The following NHS variants were observed in gnomAD, a reference collection of about 807,000 sequenced individuals.
NHS encodes the protein NHS actin remodeling regulator.
NHS carries 5 observed loss-of-function variants against 72.5 expected under a neutral mutation model. The ratio of observed to expected loss-of-function variants is 0.07; its 90% CI spans 0.04 to 0.14. The LOEUF is 0.14. Ranked by LOEUF, NHS falls within the 10% of genes least tolerant of loss-of-function variation. The pLI is 1.00. For synonymous variants in NHS, 464 were observed against 547.7 expected (o/e 0.85, Z 2.13); for missense variants, 1,072 against 1,355.7 (o/e 0.79, Z 3.29).
intron 2 of NHS, 84 bp from the exon 3 acceptor site, chrX:17,692,247 TACAG>T (rs2066200552): frequency 8.6e-6 from 9 of 1,052,471 alleles, no homozygotes; most frequent in Middle Eastern, 2.7e-4. Context: ...TTTTTTTTTT[TACAG>T]CCTTTTGCTA....
At chrX:17,514,212 A>T (rs2065106601) in intron 1 of NHS, among the ~76,000 whole-genome samples, 1 of 112,546 alleles carries the variant, frequency 8.9e-6, no homozygotes, top group African/African-American at 3.2e-5. Context: ...CCAAATCAGC[A>T]TGTCTGTGAG....
At chrX:17,677,978 T>TTTGTTG (rs748502100) in intron 1 of NHS, among the ~76,000 whole-genome samples, 1,530 of 109,819 alleles carry the variant, frequency 0.014, 31 homozygotes, top group African/African-American at 0.047. Flanking sequence ...TTTTTGAGGT[T>TTTGTTG]TTGTTGTTGT....
At chrX:17,413,818 T>C (rs780810432) in intron 1 of NHS, among the ~76,000 whole-genome samples, 4 of 111,885 alleles carry the variant, frequency 3.6e-5, no homozygotes, top group Non-Finnish European at 7.5e-5. Context: ...CTTACTCTTC[T>C]ACTTTGGATA....
At chrX:17,434,441 ATTTTTTT>A (rs1166011488) in intron 1 of NHS, among the ~76,000 whole-genome samples, 4 of 91,900 alleles carry the variant, frequency 4.4e-5, no homozygotes, top group Non-Finnish European at 6.3e-5. Context: ...CATTCAAACA[ATTTTTTT>A]TTTTTTTTTT....
chrX:17,692,433 A>G lies in NHS; in HGVS notation c.817A>G (p.Arg273Gly). ...AGCCTACCCTCCAGCTCACAGCCAGAGGAGGCGTGAGTTTAAGGACCGTCA... is the reference window on the plus strand; with the variant it reads ...AGCCTACCCTCCAGCTCACAGCCAGGGGAGGCGTGAGTTTAAGGACCGTCA... ...LPAYPPAHSQ[R>G]RREFKDRHFL... Residue 273 changes from arginine to glycine, a missense_variant, in exon 3 of 9, where the codon AGG becomes GGG. Arg to Gly is a moderately radical substitution (Grantham distance 125). Transcript: ENST00000676302. 1 of 1,210,012 alleles carries G rather than the reference A, an allele frequency of 8.3e-7. No individual in the cohort carries two copies. The highest frequency in any genetic ancestry group is 1.8e-5 in the South Asian group (1 of 56,811).
chrX:17,663,871 T>G (rs1007344202), intron 1 of NHS, among the ~76,000 whole-genome samples: 1 of 111,891 alleles, frequency 8.9e-6, no homozygotes, highest in Non-Finnish European at 1.9e-5. Context: ...TCATCAATAC[T>G]TGGTATGTCA....
At chrX:17,423,897 A>G (rs1168684750) in intron 1 of NHS, among the ~76,000 whole-genome samples, 1 of 112,307 alleles carries the variant, frequency 8.9e-6, no homozygotes, top group Non-Finnish European at 1.9e-5. Context: ...TATTTCACAG[A>G]CCAAAGTGCT....
At chrX:17,681,396 A>G (rs748571990) in intron 1 of NHS, among the ~76,000 whole-genome samples, 2 of 111,625 alleles carry the variant, frequency 1.8e-5, no homozygotes, top group South Asian at 7.7e-4. Context: ...CTTTCATAGA[A>G]GACTTGCTCT....
chrX:17,425,568 A>AAAAAAAAAAG (rs2064651928), intron 1 of NHS, among the ~76,000 whole-genome samples: 7 of 77,042 alleles, frequency 9.1e-5, no homozygotes, highest in African/African-American at 3.8e-4. Context: ...AAAAAAAAAA[A>AAAAAAAAAAG]AAAGAAAGAA....
intron 1 of NHS, among the ~76,000 whole-genome samples, chrX:17,556,162 C>A (rs73636657): frequency 2.7e-5 from 3 of 112,345 alleles, no homozygotes; most frequent in Non-Finnish European, 5.6e-5. Flanking sequence ...TTTTGAAATA[C>A]TTCCTAGGTT....
At chrX:17,512,246 T>C (rs1172754775) in intron 1 of NHS, among the ~76,000 whole-genome samples, 1 of 111,551 alleles carries the variant, frequency 9.0e-6, no homozygotes, top group Non-Finnish European at 1.9e-5. Flanking sequence ...ATAAATGAGA[T>C]TAGGGGGCAC....
chrX:17,727,027 T>C lies in NHS; in HGVS notation c.2921T>C (p.Val974Ala), dbSNP rs747843383. The stretch of plus-strand genomic sequence containing the variant: ...TCAAGCACCGCTACGGGTACCACAG[T>C]CATTGAATGCATCAAATCTCCAGAG... ...SNSSTATGTT[V>A]IECIKSPESS... The change falls in exon 7 of 9, where the codon GTC becomes GCC. Residue 974 changes from valine to alanine, a missense_variant. By Grantham distance (64) the Val-to-Ala change is moderately conservative. Transcript: ENST00000676302. 4 of 1,210,179 alleles carry C rather than the reference T, an allele frequency of 3.3e-6. No homozygotes were observed. Among genetic ancestry groups the C allele is most frequent in the Non-Finnish European group, 4.5e-6 (4 of 895,280 alleles).
At chrX:17,425,391 A>G (rs1341092808) in intron 1 of NHS, among the ~76,000 whole-genome samples, 1 of 109,672 alleles carries the variant, frequency 9.1e-6, no homozygotes, top group Non-Finnish European at 1.9e-5. Context: ...AGACCCTTGG[A>G]TGTCATCAAC....
chrX:17,724,149 A>G, intron 5 of NHS, 150 bp from the exon 6 acceptor site: 7 of 672,463 alleles, frequency 1.0e-5, no homozygotes, highest in East Asian at 3.4e-5. Flanking sequence ...CATAATTTAA[A>G]TAAGAGCTGA....
intron 1 of NHS, among the ~76,000 whole-genome samples, chrX:17,440,862 A>T (rs1215875464): frequency 9.0e-6 from 1 of 111,647 alleles, no homozygotes; most frequent in East Asian, 2.8e-4. Flanking sequence ...TTAGACAAAG[A>T]TTTCTCTGGA....
chrX:17,547,498 C>T (rs1401252400), intron 1 of NHS, among the ~76,000 whole-genome samples: 4 of 112,510 alleles, frequency 3.6e-5, no homozygotes, highest in Non-Finnish European at 7.5e-5. Context: ...CTGTGCCATA[C>T]TCTGCATGTC....
rs948451228 is a variant in NHS at position 17,700,947 on chromosome X, A to G, written c.852+8479A>G. Among the ~76,000 whole-genome samples, 5 of 112,413 alleles carry G rather than the reference A, an allele frequency of 4.4e-5. No homozygotes were observed. In the Admixed American group the frequency reaches 4.7e-4, roughly 11 times the overall value. On this transcript the variant is annotated intron_variant, in intron 3 of 8. Transcript: ENST00000676302. Reference sequence around the variant, plus strand: ...TATAGCACATAATAATGTTTCTGTCAACAACAGACTGCATATAGTCTGCTG... The same window carrying G: ...TATAGCACATAATAATGTTTCTGTCGACAACAGACTGCATATAGTCTGCTG...
At chrX:17,731,475 T>C (rs1316041008) in intron 8 of NHS, among the ~76,000 whole-genome samples, 1 of 110,406 alleles carries the variant, frequency 9.1e-6, no homozygotes, top group Non-Finnish European at 1.9e-5. Flanking sequence ...TGACCTCAAG[T>C]GATCTGCCTA....
intron 1 of NHS, among the ~76,000 whole-genome samples, chrX:17,436,966 G>A (rs1173132063): frequency 1.8e-5 from 2 of 111,860 alleles, no homozygotes; most frequent in Non-Finnish European, 3.8e-5. Flanking sequence ...CTTGATGCTC[G>A]GGGAAAGCTC....
Sources: allele counts gnomAD v4.1 joint callset (sites outside exome capture counted in the v4.1 genomes callset), GRCh38; gene constraint gnomAD v4.1.1; transcripts MANE v1.5; gene names NCBI Gene and HGNC (gene_info 2026-07-23, HGNC 2026-07-21).